ACAP1: variants seen among roughly 807,000 people sequenced by gnomAD.
The protein encoded by ACAP1 is ArfGAP with coiled-coil, ankyrin repeat and PH domains 1.
A neutral mutation model predicts 98.8 loss-of-function variants in ACAP1; 45 were observed. The observed-to-expected ratio is 0.46, with a 90% CI of 0.36 to 0.58. ACAP1 has a LOEUF of 0.58. Among genes scored for constraint, ACAP1 ranks in the 20% least tolerant of loss-of-function variants. ACAP1 has a pLI of 0.00. For missense variants in ACAP1, 735 were observed against 971.4 expected (o/e 0.76, Z 3.24); for synonymous variants, 362 against 375.3 (o/e 0.96, Z 0.41).
intron 1 of ACAP1, 126 bp from the exon 2 acceptor site, chr17:7,337,186 G>A: frequency 4.7e-6 from 4 of 855,324 alleles, no homozygotes; most frequent in South Asian, 3.0e-5. Flanking sequence ...TAGGTGGGTG[G>A]GGGGCGAGCC....
Position 7,336,604 on chromosome 17 carries a change from A to G in ACAP1, c.-131A>G. ...CCCTTGGGGAAAGAATTGTGCCCCC[A>G]GGCCCTTCCCCGCGGAGGTCCCTCT... is the stretch of plus-strand genomic sequence containing the variant. On this transcript the variant is annotated 5_prime_UTR_variant, in exon 1 of 22. Coordinates refer to ENST00000158762, the MANE Select transcript of ACAP1 (RefSeq NM_014716.4). 2 of 897,862 alleles carry G rather than the reference A, an allele frequency of 2.2e-6. No homozygotes were observed. The highest frequency in any genetic ancestry group is 3.6e-6 in the Non-Finnish European group (2 of 554,324). The allele number at this position is 897,862 out of a possible 1,614,324, so 55.6% of individuals were successfully genotyped here.
At chr17:7,345,392 C>T (rs957039004) in intron 10 of ACAP1, 4 of 151,612 alleles carry the variant, frequency 2.6e-5, no homozygotes, top group East Asian at 3.9e-4. Context: ...GGCGCAGTCT[C>T]GGCTCACTGC....
chr17:7,343,731 A>C lies in ACAP1; in HGVS notation c.554A>C (p.Lys185Thr). The C allele has an allele frequency of 6.2e-7, 1 of 1,614,078 alleles. No individual in the cohort carries two copies. Among genetic ancestry groups the C allele is most frequent in the Admixed American group, 1.7e-5 (1 of 60,002 alleles). Residue 185 changes from lysine to threonine, a missense_variant, in exon 7 of 22, where the codon AAG (lysine) becomes ACG (threonine). Physicochemically the swap from Lys to Thr is moderately conservative, Grantham distance 78 (BLOSUM62 -1). This residue lies in a region of ACAP1 where 430 missense variants were observed against 531.8 expected (regional missense o/e 0.81). Transcript: ENST00000158762. The surrounding 1 kb of genome is among the most constrained non-coding windows in gnomAD (Gnocchi z 4.9). ...LQINVIEDKRKFDIMEFVLRL... is the reference protein window; with the variant it reads ...LQINVIEDKRTFDIMEFVLRL... ...ATCAACGTGATTGAGGACAAGAGGAAGTTTGACATCATGGAGTTTGTGAGT... is the reference window on the plus strand; with the variant it reads ...ATCAACGTGATTGAGGACAAGAGGACGTTTGACATCATGGAGTTTGTGAGT...
Position 7,349,264 on chromosome 17 carries a change from C to T in ACAP1, c.1851+97C>T, listed in dbSNP as rs966513507. ...TTACCTCCTTTCCCCACCACCTGTTCCCTAGGGCTTCCACCCATAGGGAGA... is the reference window on the plus strand; with the variant it reads ...TTACCTCCTTTCCCCACCACCTGTTTCCTAGGGCTTCCACCCATAGGGAGA... On this transcript the variant is annotated intron_variant, in intron 18 of 21. Coordinates refer to ENST00000158762, the MANE Select transcript of ACAP1 (RefSeq NM_014716.4). 2.8e-5 allele frequency: 38 copies of T among 1,344,482 alleles called. No homozygotes were observed. The African/African-American group carries it at 5.2e-4, about 19-fold the overall frequency. 83.3% of individuals were successfully genotyped at this position (1,344,482 alleles called of 1,614,324 possible).
In ACAP1 at chr17:7,343,748, T is replaced by A; in HGVS notation, c.571T>A (p.Phe191Ile). The stretch of plus-strand genomic sequence containing the variant: ...CAAGAGGAAGTTTGACATCATGGAG[T>A]TTGTGAGTTGTGGCGGGGGTGAGGG... The part of the protein sequence containing the change: ...EDKRKFDIME[F>I]VLRLVEAQAT... Residue 191 changes from phenylalanine (F) to isoleucine (I), a missense_variant and splice_region_variant, in exon 7 of 22, where the codon TTT becomes ATT. Phe to Ile is a conservative substitution (Grantham distance 21). Coordinates refer to ENST00000158762, the MANE Select transcript of ACAP1 (RefSeq NM_014716.4). The surrounding 1 kb of genome is among the most constrained non-coding windows in gnomAD (Gnocchi z 4.9). 6.2e-7 allele frequency: 1 copy of A among 1,613,634 alleles called. No homozygotes were observed. Among genetic ancestry groups the A allele is most frequent in the Middle Eastern group, 1.7e-4 (1 of 6,058 alleles).
chr17:7,340,319 G>A (rs2073263727), intron 2 of ACAP1, among the ~76,000 whole-genome samples: 1 of 152,150 alleles, frequency 6.6e-6, no homozygotes, highest in Admixed American at 6.5e-5. Flanking sequence ...GTTTATCCAA[G>A]TTGTTGCACA....
chr17:7,342,484 G>T lies in ACAP1; in HGVS notation c.344+10G>T. On this transcript the variant is annotated intron_variant, in intron 5 of 21. Transcript: ENST00000158762. ...AGACCCTGGTCAAGGAGTGAGATGG[G>T]GCCGGGCGCAGTGGCTCATGCCTGT... 1.2e-6 allele frequency: 2 copies of T among 1,614,048 alleles called. No individual in the cohort carries two copies. The highest frequency in any genetic ancestry group is 1.3e-5 in the African/African-American group (1 of 75,050).
intron 4 of ACAP1, 23 bp from the exon 5 acceptor site, chr17:7,342,393 C>A: frequency 6.2e-7 from 1 of 1,614,068 alleles, no homozygotes; most frequent in Non-Finnish European, 8.5e-7. Flanking sequence ...TGACCCCAGT[C>A]TACCAACTTC....
rs754864489 is a variant in ACAP1, at chr17:7,344,390, G to A, written c.745-149G>A. 8 of 697,046 alleles carry A rather than the reference G, an allele frequency of 1.1e-5. No homozygotes were observed. Among genetic ancestry groups the A allele is most frequent in the African/African-American group, 5.4e-5 (3 of 55,426 alleles). 43.2% of individuals were successfully genotyped at this position (697,046 alleles called of 1,614,324 possible). On this transcript the variant is annotated intron_variant, in intron 9 of 21. Coordinates refer to ENST00000158762, the MANE Select transcript of ACAP1 (RefSeq NM_014716.4). The surrounding 1 kb of genome is among the most constrained non-coding windows in gnomAD (Gnocchi z 4.9). ...CACACAACTGCACTTAAGCCTGGGT[G>A]AAAGAACAAGACCCTGTCTCTAAAA...
chr17:7,349,919 C>A, intron 18 of ACAP1, 26 bp from the exon 19 acceptor site: 1 of 1,561,134 alleles, frequency 6.4e-7, no homozygotes, highest in Middle Eastern at 1.7e-4. Flanking sequence ...CCACCCTCAA[C>A]CCCCCTTCTC....
Position 7,343,521 on chromosome 17 carries a change from C to G in ACAP1, c.487C>G (p.Arg163Gly), listed in dbSNP as rs755948513. The G allele has an allele frequency of 1.2e-6, 2 of 1,613,830 alleles. No homozygotes were observed. Among genetic ancestry groups the G allele is most frequent in the African/African-American group, 2.7e-5 (2 of 74,906 alleles). The change falls in exon 6 of 22, where the codon CGA becomes GGA. Residue 163 changes from arginine (R) to glycine (G), a missense_variant. Physicochemically the swap from Arg to Gly is moderately radical, Grantham distance 125. This residue lies in a region of ACAP1 where 430 missense variants were observed against 531.8 expected (regional missense o/e 0.81). Coordinates refer to ENST00000158762, the MANE Select transcript of ACAP1 (RefSeq NM_014716.4). This position sits in a 1 kb window ranked among gnomAD's most constrained non-coding sequence, Gnocchi z 4.9. ...GGCAGGAGCTGCTTTGAGGACGGCT[C>G]GAGCTGGGTACCGGGGACGGGCACT... ...EEAGAALRTA[R>G]AGYRGRALDY...
intron 17 of ACAP1, 72 bp from the exon 18 acceptor site, chr17:7,348,922 TG>T: frequency 7.1e-7 from 1 of 1,400,538 alleles, no homozygotes. Flanking sequence ...ATTATAGCAT[TG>T]GGACACTGCT....
chr17:7,348,277 G>T, intron 16 of ACAP1, 29 bp from the exon 17 acceptor site: 1 of 1,605,746 alleles, frequency 6.2e-7, no homozygotes, highest in Non-Finnish European at 8.5e-7. Flanking sequence ...GCAGAAGAGG[G>T]AAGACTGCGT....
intron 17 of ACAP1, 101 bp downstream of exon 17, chr17:7,348,576 G>A: frequency 7.7e-7 from 1 of 1,295,276 alleles, no homozygotes; most frequent in Non-Finnish European, 1.0e-6. Flanking sequence ...GCCTTCCGCT[G>A]GACAATGTCG....
intron 17 of ACAP1, 37 bp downstream of exon 17, chr17:7,348,512 G>T: frequency 1.4e-6 from 2 of 1,448,824 alleles, no homozygotes; most frequent in Non-Finnish European, 1.8e-6. Context: ...AGCATCTGCT[G>T]TGTGCTCGGC....
In ACAP1 at chr17:7,348,122, T is replaced by C; in HGVS notation, c.1414-5T>C. The C allele has an allele frequency of 6.2e-7, 1 of 1,613,956 alleles. No individual in the cohort carries two copies. Among genetic ancestry groups the C allele is most frequent in the Non-Finnish European group, 8.5e-7 (1 of 1,179,852 alleles). ...TGTCTCTGCCTCTGCCTGGGCCTCC[T>C]GAAGCTCATGTGTGAGCTGGGAAAT... On this transcript the variant is annotated splice_region_variant and splice_polypyrimidine_tract_variant and intron_variant, in intron 15 of 21. Coordinates refer to ENST00000158762, the MANE Select transcript of ACAP1 (RefSeq NM_014716.4).
At chr17:7,346,075 T>C (rs550066613) in intron 10 of ACAP1, 169 bp from the exon 11 acceptor site, 1 of 692,366 alleles carries the variant, frequency 1.4e-6, no homozygotes, top group East Asian at 2.5e-5. Context: ...TAGCATCCTT[T>C]AGATGTTCCA....
In ACAP1 at chr17:7,350,111, T is replaced by C; in HGVS notation, c.1962-16T>C. 1 of 1,613,872 alleles carries C rather than the reference T, an allele frequency of 6.2e-7. No individual in the cohort carries two copies. Among genetic ancestry groups the C allele is most frequent in the Non-Finnish European group, 8.5e-7 (1 of 1,179,750 alleles). ...GAGAAGTTGGGCGGCCGGCTGACCC[T>C]GGCTCTTCTCTCCAGGCTCGCCTGC... On this transcript the variant is annotated splice_polypyrimidine_tract_variant and intron_variant, in intron 19 of 21. Transcript: ENST00000158762. This position sits in a 1 kb window ranked among gnomAD's most constrained non-coding sequence, Gnocchi z 4.6.
At chr17:7,348,036 G>A in intron 15 of ACAP1, 45 bp downstream of exon 15, 1 of 1,611,876 alleles carries the variant, frequency 6.2e-7, no homozygotes, top group Non-Finnish European at 8.5e-7. Context: ...ACTTGGGGTG[G>A]GGCAAGGACA....
Sources: allele counts gnomAD v4.1 joint callset (sites outside exome capture counted in the v4.1 genomes callset), GRCh38; gene constraint gnomAD v4.1.1; regional missense constraint gnomAD v4.1.1; non-coding constraint Gnocchi (gnomAD v3.1); transcripts MANE v1.5; gene names NCBI Gene and HGNC (gene_info 2026-07-23, HGNC 2026-07-21).